LTN1: variants seen among roughly 807,000 people sequenced by gnomAD.
The protein encoded by LTN1 is E3 ubiquitin-protein ligase listerin.
In LTN1, 88 loss-of-function variants were observed where a neutral mutation model predicts 201.2. The observed-to-expected ratio is 0.44, with a 90% CI of 0.37 to 0.52. The LOEUF (loss-of-function observed/expected upper bound fraction) is 0.52, where lower values mean the gene tolerates loss of function less well. Among genes scored for constraint, LTN1 ranks in the 20% least tolerant of loss-of-function variants. The pLI is 0.00. For missense variants in LTN1, 1,752 were observed against 2,038.7 expected (o/e 0.86, Z 2.71); for synonymous variants, 645 against 713.5 (o/e 0.90, Z 1.53).
chr21:28,949,404 A>C (rs1022467099), intron 18 of LTN1, among the ~76,000 whole-genome samples: 1 of 152,230 alleles, frequency 6.6e-6, no homozygotes, highest in African/African-American at 2.4e-5. Flanking sequence ...TAAAGTGTAG[A>C]GTTCTGCAGT....
intron 7 of LTN1, among the ~76,000 whole-genome samples, 175 bp downstream of exon 7, chr21:28,971,096 A>G (rs1203279023): frequency 6.6e-6 from 1 of 152,220 alleles, no homozygotes; most frequent in Admixed American, 6.5e-5. Flanking sequence ...TTTAAAGAAT[A>G]ATTAATACTG....
At chr21:28,933,549 C>T (rs375019800) in intron 27 of LTN1, among the ~76,000 whole-genome samples, 2 of 152,288 alleles carry the variant, frequency 1.3e-5, no homozygotes, top group East Asian at 1.9e-4. Context: ...ATTCTATTCA[C>T]CCTTGGGACT....
At position 28,959,660 on chromosome 21, in the gene LTN1, A is replaced by G. The variant is rs755493695; in HGVS notation, c.2391T>C (p.Ile797=). The G allele has an allele frequency of 3.1e-6, 5 of 1,613,246 alleles. No homozygotes were observed. The African/African-American group carries it at 5.3e-5, about 17-fold the overall frequency. ...TGAATAAAGTTTCATGAAGTCTAAC[A>G]ATGATTCTTTCAACATATACGTCTC... ...LIGDVYVERI[I]VRLHETLFKT... The change falls in exon 13 of 30, where the codon ATT becomes ATC. Residue 797 remains isoleucine, a synonymous_variant. Transcript: ENST00000361371.
At chr21:28,976,656 C>T (rs1329720887) in intron 6 of LTN1, among the ~76,000 whole-genome samples, 1 of 150,702 alleles carries the variant, frequency 6.6e-6, no homozygotes, top group Non-Finnish European at 1.5e-5. Context: ...GAAGACTCAA[C>T]AACATAAAGA....
chr21:28,963,082 C>A (rs2084493019), intron 11 of LTN1, among the ~76,000 whole-genome samples: 1 of 152,166 alleles, frequency 6.6e-6, no homozygotes, highest in Non-Finnish European at 1.5e-5. Flanking sequence ...CTCCACAATA[C>A]AAAAGTACAA....
intron 6 of LTN1, 145 bp from the exon 7 acceptor site, chr21:28,971,589 G>C: frequency 2.9e-6 from 2 of 697,734 alleles, no homozygotes; most frequent in East Asian, 5.7e-5. Flanking sequence ...AAATCTTAGA[G>C]TATGAAATGG....
intron 19 of LTN1, 47 bp from the exon 20 acceptor site, chr21:28,946,334 T>A: frequency 7.7e-7 from 1 of 1,292,100 alleles, no homozygotes; most frequent in South Asian, 1.5e-5. Flanking sequence ...AAGAACTATA[T>A]CGCTACTATT....
chr21:28,943,266 C>T lies in LTN1; in HGVS notation c.4291G>A (p.Ala1431Thr). Reference sequence around the variant, plus strand: ...AATTATTTAAAAAAACCTTACAAGGCTGGCTCTTCTTCTTCATCTCCGTAT... The same window carrying T: ...AATTATTTAAAAAAACCTTACAAGGTTGGCTCTTCTTCTTCATCTCCGTAT... ...KSYGDEEEEP[A>T]LSPPAALMSL... is the part of the protein sequence containing the mutation. The change falls in exon 24 of 30, where the codon GCC becomes ACC. Residue 1431 changes from alanine (A) to threonine (T), a missense_variant. Physicochemically the swap from Ala to Thr is moderately conservative, Grantham distance 58. Around this residue, in one of 3 missense-constraint regions of LTN1, gnomAD observed 1,211 missense variants for 1,312.8 expected, o/e 0.92. Coordinates refer to ENST00000361371, the MANE Select transcript of LTN1 (RefSeq NM_015565.3). 2 of 1,590,812 alleles carry T rather than the reference C, an allele frequency of 1.3e-6. No homozygotes were observed. Among genetic ancestry groups the T allele is most frequent in the South Asian group, 2.2e-5 (2 of 89,086 alleles).
chr21:28,954,907 C>T (rs968853842), intron 16 of LTN1, among the ~76,000 whole-genome samples: 9 of 152,000 alleles, frequency 5.9e-5, no homozygotes, highest in East Asian at 1.9e-4. Flanking sequence ...ACTTCAAAAG[C>T]GAAGGCAACA....
Position 28,982,381 on chromosome 21 carries a change from G to A in LTN1, c.577-13C>T, listed in dbSNP as rs778100742. On this transcript the variant is annotated splice_polypyrimidine_tract_variant and intron_variant, in intron 4 of 29. Transcript: ENST00000361371. ...GATCCTGCAGCACCTACAAAGGGGG[G>A]AAATACCAAAGCCTTTGGTTTTACT... 1.9e-6 allele frequency: 3 copies of A among 1,607,764 alleles called. No individual in the cohort carries two copies. In the East Asian group the frequency reaches 6.7e-5, roughly 36 times the overall value.
chr21:28,985,658 C>CTT (rs781372185), intron 3 of LTN1, among the ~76,000 whole-genome samples: 127 of 137,102 alleles, frequency 9.3e-4, no homozygotes, highest in African/African-American at 3.3e-3. Flanking sequence ...ACAATCCAAT[C>CTT]TTTTTTTTTT....
chr21:28,949,795 A>G (rs1370571571), intron 18 of LTN1, among the ~76,000 whole-genome samples: 1 of 152,018 alleles, frequency 6.6e-6, no homozygotes, highest in Non-Finnish European at 1.5e-5. Flanking sequence ...AAATATATAT[A>G]TATTTACATA....
chr21:28,931,233 T>C lies in LTN1; in HGVS notation c.5160A>G (p.Ser1720=). The C allele has an allele frequency of 6.2e-7, 1 of 1,613,364 alleles. No individual in the cohort carries two copies. Among genetic ancestry groups the C allele is most frequent in the Non-Finnish European group, 8.5e-7 (1 of 1,179,352 alleles). ...EGVEDCMICF[S]VIHGFNYSLP... ...GGGAATAGTTGAAACCGTGAATGAC[T>C]GAGAAACAGATCATGCAATCTTCAA... is the stretch of plus-strand genomic sequence containing the variant. The change falls in exon 29 of 30, where the codon TCA becomes TCG. Residue 1720 remains serine (S), a synonymous_variant. Coordinates refer to ENST00000361371, the MANE Select transcript of LTN1 (RefSeq NM_015565.3).
At chr21:28,952,092 T>C (rs2084387314) in intron 18 of LTN1, 68 bp downstream of exon 18, 1 of 800,840 alleles carries the variant, frequency 1.2e-6, no homozygotes, top group South Asian at 1.9e-5. Context: ...AATTATTCAT[T>C]AATTAGGGGT....
In LTN1 at chr21:28,952,246, T is replaced by C. The variant is rs2084388542; in HGVS notation, c.3258A>G (p.Thr1086=). 5 of 1,604,588 alleles carry C rather than the reference T, an allele frequency of 3.1e-6. No homozygotes were observed. The highest frequency in any genetic ancestry group is 4.3e-6 in the Non-Finnish European group (5 of 1,174,664). ...LLFNRSREHG[T]LWSLIIAKLI... is the part of the protein sequence containing the mutation. ...ACTTAGCAATAATAAGAGACCACAGTGTGCCATGTTCTCTGGACCTGAAAA... is the reference window on the plus strand; with the variant it reads ...ACTTAGCAATAATAAGAGACCACAGCGTGCCATGTTCTCTGGACCTGAAAA... Residue 1086 remains threonine (T), a synonymous_variant, in exon 18 of 30, where the codon ACA becomes ACG. Coordinates refer to ENST00000361371, the MANE Select transcript of LTN1 (RefSeq NM_015565.3).
chr21:28,933,677 CTTTT>C (rs369698319), intron 27 of LTN1, among the ~76,000 whole-genome samples: 8 of 135,716 alleles, frequency 5.9e-5, no homozygotes, highest in Non-Finnish European at 1.1e-4. Context: ...CTCTCTCTCT[CTTTT>C]TTTTTTTTTT....
intron 12 of LTN1, chr21:28,959,952 C>T: frequency 3.4e-6 from 1 of 293,046 alleles, no homozygotes; most frequent in Non-Finnish European, 6.3e-6. Flanking sequence ...CCCTTTAAGT[C>T]ATGAGTCAAC....
At chr21:28,984,664 AT>A (rs767474028) in intron 4 of LTN1, 27 bp downstream of exon 4, 6 of 1,543,756 alleles carry the variant, frequency 3.9e-6, no homozygotes, top group Non-Finnish European at 4.4e-6. Context: ...AAAAAAAAAA[AT>A]AGATTCAGAA....
Position 28,932,525 on chromosome 21 carries a change from G to A in LTN1, c.5015C>T (p.Ala1672Val), listed in dbSNP as rs1418219001. The stretch of plus-strand genomic sequence containing the variant: ...CATCCAGTTCCGCCACTGCTGAACA[G>A]CTACTCCTACTCTTTTCCCACTTTC... ...IVESGKRVGV[A>V]VQQWRNWMLQ... The change falls in exon 28 of 30, where the codon GCT becomes GTT. Residue 1672 changes from alanine to valine, a missense_variant. This residue lies in a region of LTN1 where 261 missense variants were observed against 350.1 expected (regional missense o/e 0.75). Transcript: ENST00000361371. 6.2e-7 allele frequency: 1 copy of A among 1,614,068 alleles called. No homozygotes were observed. The highest frequency in any genetic ancestry group is 1.7e-5 in the Admixed American group (1 of 60,030).
Sources: gnomAD v4.1 joint callset for allele counts (sites outside exome capture counted in the v4.1 genomes callset) on GRCh38, gnomAD v4.1.1 for gene constraint, gnomAD v4.1.1 regional missense constraint, MANE v1.5 for transcripts, NCBI Gene and HGNC (gene_info 2026-07-23, HGNC 2026-07-21) for gene names.